The following ALMS1 variants were observed in gnomAD, a reference collection of about 807,000 sequenced individuals.
The protein encoded by ALMS1 is centrosome-associated protein ALMS1.
A neutral mutation model predicts 352.2 loss-of-function variants in ALMS1; 271 were observed. The observed-to-expected ratio is 0.77, with a 90% confidence interval of 0.70 to 0.85. ALMS1 has a LOEUF of 0.85. Among genes scored for constraint, ALMS1 ranks in the 40% least tolerant of loss-of-function variants. ALMS1 has a pLI of 0.00. For missense variants in ALMS1, 5,445 were observed against 4,870.7 expected (o/e 1.12, Z -3.51); for synonymous variants, 1,865 against 1,761.2 (o/e 1.06, Z -1.48).
intron 6 of ALMS1, among the ~76,000 whole-genome samples, chr2:73,429,147 A>G (rs1220418824): frequency 6.6e-6 from 1 of 152,166 alleles, no homozygotes; most frequent in East Asian, 1.9e-4. Context: ...TAGCATTTAT[A>G]TAGTGCCTGG....
chr2:73,448,923 A>G lies in ALMS1; in HGVS notation c.2396A>G (p.Gln799Arg), dbSNP rs530083993. Residue 799 changes from glutamine (Q) to arginine (R), a missense_variant, in exon 8 of 23, where the codon CAG becomes CGG. By Grantham distance (43) the Gln-to-Arg change is conservative (BLOSUM62 1). Transcript: ENST00000613296. Reference protein sequence around the residue: ...KVSAVAGPADQKTGLPTVPSS... With the variant: ...KVSAVAGPADRKTGLPTVPSS... ...TCAGCTGTTGCTGGACCAGCTGACC[A>G]GAAGACTGGCCTACCAACAGTACCC... 1.9e-5 allele frequency: 31 copies of G among 1,614,112 alleles called. No individual in the cohort carries two copies. The highest frequency in any genetic ancestry group is 4.5e-5 in the East Asian group (2 of 44,880).
At position 73,490,067 on chromosome 2, in the gene ALMS1, C is replaced by T. The variant is rs199604280; in HGVS notation, c.8108C>T (p.Pro2703Leu). 82 of 1,614,120 alleles carry T rather than the reference C, an allele frequency of 5.1e-5. No homozygotes were observed. The highest frequency in any genetic ancestry group is 2.5e-4 in the African/African-American group (19 of 75,026). The change falls in exon 10 of 23, where the codon CCG (proline) becomes CTG (leucine). Residue 2703 changes from proline (P) to leucine (L), a missense_variant. By Grantham distance (98) the Pro-to-Leu change is moderately conservative (BLOSUM62 -3). Transcript: ENST00000613296. The part of the protein sequence containing the change: ...EVDFHSSSQM[P>L]SPEPMKKFTT... ...GATTTTCATTCTTCATCACAAATGC[C>T]GTCCCCAGAACCCATGAAAAAGTTT...
At chr2:73,402,899 T>C (rs1670900413) in intron 1 of ALMS1, among the ~76,000 whole-genome samples, 1 of 152,222 alleles carries the variant, frequency 6.6e-6, no homozygotes, top group Admixed American at 6.5e-5. Flanking sequence ...TTTCTTCTAC[T>C]GAGTTGCACA....
chr2:73,448,999 C>G lies in ALMS1; in HGVS notation c.2472C>G (p.Ala824=), dbSNP rs368270850. The G allele has an allele frequency of 2.7e-5, 43 of 1,613,878 alleles. No individual in the cohort carries two copies. Among genetic ancestry groups the G allele is most frequent in the Non-Finnish European group, 3.6e-5 (42 of 1,179,972 alleles). Residue 824 remains alanine (A), a synonymous_variant, in exon 8 of 23, where the codon GCC becomes GCG. Coordinates refer to ENST00000613296, the MANE Select transcript of ALMS1 (RefSeq NM_001378454.1). ...AGCTCCTTGTTTTCTACCAACAGGC[C>G]TTGCTGGACAGCCATCTACCCGAAG... is the stretch of plus-strand genomic sequence containing the variant. The part of the protein sequence containing the change: ...REKLLVFYQQ[A]LLDSHLPEEA...
At chr2:73,501,524 T>C (rs1217811939) in intron 10 of ALMS1, among the ~76,000 whole-genome samples, 1 of 152,144 alleles carries the variant, frequency 6.6e-6, no homozygotes, top group Non-Finnish European at 1.5e-5. Context: ...TTTTCTTTCC[T>C]AGGAATATTC....
At chr2:73,494,363 G>A (rs890924949) in intron 10 of ALMS1, among the ~76,000 whole-genome samples, 6 of 149,650 alleles carry the variant, frequency 4.0e-5, no homozygotes, top group Non-Finnish European at 7.4e-5. Context: ...CTTTACTGAA[G>A]CTTCCATTTA....
At position 73,558,980 on chromosome 2, in the gene ALMS1, G is replaced by C. The variant is rs1674600634; in HGVS notation, c.10222G>C (p.Ala3408Pro). 1 of 1,612,452 alleles carries C rather than the reference G, an allele frequency of 6.2e-7. No homozygotes were observed. Among genetic ancestry groups the C allele is most frequent in the South Asian group, 1.1e-5 (1 of 91,044 alleles). ...SLQKDTADSSAAAAAEHSAQV... is the reference protein window; with the variant it reads ...SLQKDTADSSPAAAAEHSAQV... ...TAATTTCCCTTTCGTAGATTCCAGT[G>C]CTGCTGCTGCTGCAGAGCACTCAGC... The change falls in exon 15 of 23, where the codon GCT (alanine) becomes CCT (proline). Residue 3408 changes from alanine (A) to proline (P), a missense_variant. Coordinates refer to ENST00000613296, the MANE Select transcript of ALMS1 (RefSeq NM_001378454.1).
chr2:73,428,048 T>TACATTTA (rs1286524362), intron 6 of ALMS1, among the ~76,000 whole-genome samples: 2 of 152,200 alleles, frequency 1.3e-5, no homozygotes, highest in Admixed American at 6.5e-5. Context: ...ATTAAAGTTT[T>TACATTTA]TTTAACACAG....
At position 73,452,960 on chromosome 2, in the gene ALMS1, C is replaced by A. The variant is rs770558150; in HGVS notation, c.6433C>A (p.Arg2145=). Residue 2145 remains arginine (R), a synonymous_variant, in exon 8 of 23, where the codon CGA becomes AGA. Coordinates refer to ENST00000613296, the MANE Select transcript of ALMS1 (RefSeq NM_001378454.1). ...AGCTCTTCCTAGTTCCTTTTCACAT[C>A]GAGAGAAACCAGATATTTTCTATCA... ...PTALPSSFSH[R]EKPDIFYQKD... The A allele has an allele frequency of 9.9e-6, 16 of 1,612,294 alleles. No homozygotes were observed. The highest frequency in any genetic ancestry group is 1.6e-4 in the Middle Eastern group (1 of 6,074).
intron 7 of ALMS1, among the ~76,000 whole-genome samples, chr2:73,446,921 A>G (rs1014450942): frequency 1.5e-4 from 23 of 152,276 alleles, no homozygotes; most frequent in Admixed American, 9.2e-4. Flanking sequence ...CGGTTTCCCT[A>G]TACGTAAAAA....
Position 73,448,902 on chromosome 2 carries a change from C to T in ALMS1, c.2375C>T (p.Ala792Val). The part of the protein sequence containing the change: ...HLPEEGLKVS[A>V]VAGPADQKTG... ...CCTGAAGAGGGTCTGAAAGTTTCAGCTGTTGCTGGACCAGCTGACCAGAAG... is the reference window on the plus strand; with the variant it reads ...CCTGAAGAGGGTCTGAAAGTTTCAGTTGTTGCTGGACCAGCTGACCAGAAG... The change falls in exon 8 of 23, where the codon GCT becomes GTT. Residue 792 changes from alanine to valine, a missense_variant. By Grantham distance (64) the Ala-to-Val change is moderately conservative. Coordinates refer to ENST00000613296, the MANE Select transcript of ALMS1 (RefSeq NM_001378454.1). The T allele has an allele frequency of 6.2e-7, 1 of 1,614,098 alleles. No homozygotes were observed. Among genetic ancestry groups the T allele is most frequent in the Non-Finnish European group, 8.5e-7 (1 of 1,179,978 alleles).
intron 15 of ALMS1, among the ~76,000 whole-genome samples, chr2:73,565,310 A>G (rs928963574): frequency 7.9e-5 from 12 of 152,344 alleles, no homozygotes; most frequent in African/African-American, 1.2e-4. Flanking sequence ...GAATATGTCA[A>G]TGGAACACAG....
At chr2:73,487,239 G>A (rs1202765136) in intron 9 of ALMS1, among the ~76,000 whole-genome samples, 5 of 152,186 alleles carry the variant, frequency 3.3e-5, no homozygotes, top group Non-Finnish European at 7.3e-5. Flanking sequence ...CACCTGCCAA[G>A]CATGAGCCAG....
At chr2:73,446,752 A>G (rs944615383) in intron 7 of ALMS1, among the ~76,000 whole-genome samples, 1 of 152,114 alleles carries the variant, frequency 6.6e-6, no homozygotes, top group Non-Finnish European at 1.5e-5. Context: ...GTATCTTTGC[A>G]CTTAAAATGT....
At chr2:73,441,314 TA>T (rs1218943169) in intron 7 of ALMS1, among the ~76,000 whole-genome samples, 1 of 152,232 alleles carries the variant, frequency 6.6e-6, no homozygotes, top group Non-Finnish European at 1.5e-5. Context: ...GGAAAGTGCC[TA>T]CCTGAGCTGT....
rs567735799 is a variant in ALMS1 at position 73,542,730 on chromosome 2, C to A, written c.9908-7537C>A. 5.0e-3 allele frequency among the ~76,000 whole-genome samples: 759 copies of A among 151,834 alleles called. 9 individuals are homozygous for A. The highest frequency in any genetic ancestry group is 5.6e-3 in the Admixed American group (86 of 15,246). ...TCCTATACACCAATAGCAGACAAACCGAGAGCCAAATCATGAGTGAACTCC... is the reference window on the plus strand; with the variant it reads ...TCCTATACACCAATAGCAGACAAACAGAGAGCCAAATCATGAGTGAACTCC... On this transcript the variant is annotated intron_variant, in intron 12 of 22. Coordinates refer to ENST00000613296, the MANE Select transcript of ALMS1 (RefSeq NM_001378454.1).
intron 16 of ALMS1, 172 bp downstream of exon 16, chr2:73,573,596 A>G (rs1356818923): frequency 1.4e-6 from 1 of 727,310 alleles, no homozygotes; most frequent in Non-Finnish European, 2.5e-6. Flanking sequence ...GTGAGTTGTC[A>G]TTATTTTCAT....
At chr2:73,506,070 T>C (rs1364211384) in intron 10 of ALMS1, among the ~76,000 whole-genome samples, 1 of 152,152 alleles carries the variant, frequency 6.6e-6, no homozygotes, top group Non-Finnish European at 1.5e-5. Flanking sequence ...ATTGCTTTTG[T>C]CAGGTTTGTC....
chr2:73,609,828 G>C lies in ALMS1; in HGVS notation c.*216G>C. ...GCATAGTGGCCTTGTCCAATGGCCT[G>C]TGTGTTACAATGATATGATCATTTC... On this transcript the variant is annotated 3_prime_UTR_variant, in exon 23 of 23. Coordinates refer to ENST00000613296, the MANE Select transcript of ALMS1 (RefSeq NM_001378454.1). 1 of 561,986 alleles carries C rather than the reference G, an allele frequency of 1.8e-6. No individual in the cohort carries two copies. The highest frequency in any genetic ancestry group is 2.0e-5 in the South Asian group (1 of 48,810). The allele number at this position is 561,986 out of a possible 1,614,324, so 34.8% of individuals were successfully genotyped here.
Sources: allele counts gnomAD v4.1 joint callset (sites outside exome capture counted in the v4.1 genomes callset), GRCh38; gene constraint gnomAD v4.1.1; transcripts MANE v1.5; gene names NCBI Gene and HGNC (gene_info 2026-07-23, HGNC 2026-07-21).